The following ENTREP2 variants were observed in gnomAD, a reference collection of about 807,000 sequenced individuals.
ENTREP2 encodes endosomal transmembrane epsin interactor 2.
the ENTREP2 span, among the ~76,000 whole-genome samples, chr15:29,562,167 A>G: frequency 1.3e-5 from 2 of 152,248 alleles, no homozygotes; most frequent in Non-Finnish European, 2.9e-5. Context: ...ACAGAGAGGA[A>G]GGCTGAGGAG....
the ENTREP2 span, among the ~76,000 whole-genome samples, chr15:29,361,158 C>A: frequency 6.6e-6 from 1 of 152,222 alleles, no homozygotes; most frequent in Non-Finnish European, 1.5e-5. Context: ...GGCTGAATCC[C>A]ATTCTCACTG....
chr15:29,537,597 G>A, the ENTREP2 span, among the ~76,000 whole-genome samples: 5 of 152,140 alleles, frequency 3.3e-5, no homozygotes, highest in African/African-American at 1.2e-4. Context: ...CTGGATCATT[G>A]CATTAGCCTC....
chr15:29,163,500 C>A, the ENTREP2 span, among the ~76,000 whole-genome samples: 1 of 151,876 alleles, frequency 6.6e-6, no homozygotes, highest in Non-Finnish European at 1.5e-5. Context: ...AAAAATTGGA[C>A]ACACTTATAG....
chr15:29,635,016 T>C, the ENTREP2 span, among the ~76,000 whole-genome samples: 1 of 152,120 alleles, frequency 6.6e-6, no homozygotes, highest in Non-Finnish European at 1.5e-5. Context: ...GGCTATTCTT[T>C]GTATTTTTAG....
the ENTREP2 span, among the ~76,000 whole-genome samples, chr15:29,433,909 C>T: frequency 2.0e-5 from 3 of 152,170 alleles, no homozygotes; most frequent in African/African-American, 7.2e-5. Context: ...GGCTCTACAC[C>T]ACCAACCCTG....
At chr15:29,274,326 G>A in the ENTREP2 span, among the ~76,000 whole-genome samples, 2 of 152,306 alleles carry the variant, frequency 1.3e-5, no homozygotes, top group South Asian at 4.1e-4. Context: ...AGATTATTAA[G>A]TTTTGAGGCT....
the ENTREP2 span, among the ~76,000 whole-genome samples, chr15:29,207,302 T>C: frequency 1.3e-5 from 2 of 152,160 alleles, no homozygotes; most frequent in African/African-American, 4.8e-5. Context: ...TCTCACCGAC[T>C]TCAAGAATGA....
At chr15:29,131,317 C>T in the ENTREP2 span, among the ~76,000 whole-genome samples, 3 of 151,906 alleles carry the variant, frequency 2.0e-5, no homozygotes, top group African/African-American at 7.3e-5. Flanking sequence ...TGCTCCTGGA[C>T]TCTGCTGGTC....
chr15:29,176,745 T>C, the ENTREP2 span, among the ~76,000 whole-genome samples: 1 of 152,150 alleles, frequency 6.6e-6, no homozygotes, highest in Non-Finnish European at 1.5e-5. Flanking sequence ...CCTCCTTCCC[T>C]CCAGGTCGCC....
At chr15:29,233,298 A>C in the ENTREP2 span, among the ~76,000 whole-genome samples, 5 of 152,242 alleles carry the variant, frequency 3.3e-5, no homozygotes, top group Non-Finnish European at 5.9e-5. Flanking sequence ...TCATTACTAA[A>C]GCAATCTAGT....
chr15:29,541,701 G>A, the ENTREP2 span, among the ~76,000 whole-genome samples: 1 of 152,174 alleles, frequency 6.6e-6, no homozygotes, highest in Non-Finnish European at 1.5e-5. Flanking sequence ...AAATGGGAGG[G>A]AACAGGCAGA....
chr15:29,543,292 C>T, the ENTREP2 span, among the ~76,000 whole-genome samples: 1 of 152,184 alleles, frequency 6.6e-6, no homozygotes, highest in Non-Finnish European at 1.5e-5. Context: ...CTCCCAGGAC[C>T]ACACAAAACT....
the ENTREP2 span, among the ~76,000 whole-genome samples, chr15:29,659,348 G>GT: frequency 6.6e-6 from 1 of 152,174 alleles, no homozygotes; most frequent in Non-Finnish European, 1.5e-5. Flanking sequence ...GCATGCACCT[G>GT]TAATCCCAGC....
chr15:29,628,481 T>C, the ENTREP2 span, among the ~76,000 whole-genome samples: 3 of 152,238 alleles, frequency 2.0e-5, no homozygotes, highest in Non-Finnish European at 4.4e-5. Flanking sequence ...AAAGAATGTA[T>C]ACTATGCTGT....
At chr15:29,468,795 A>G in the ENTREP2 span, among the ~76,000 whole-genome samples, 1 of 152,202 alleles carries the variant, frequency 6.6e-6, no homozygotes, top group Non-Finnish European at 1.5e-5. Flanking sequence ...TACATTTTTA[A>G]CAATTATATG....
the ENTREP2 span, among the ~76,000 whole-genome samples, chr15:29,409,678 G>C: frequency 6.6e-6 from 1 of 151,204 alleles, no homozygotes; most frequent in African/African-American, 2.4e-5. Flanking sequence ...ACCCAGGCTG[G>C]TCTTGAACAC....
At chr15:29,427,374 T>TA in the ENTREP2 span, among the ~76,000 whole-genome samples, 1 of 152,180 alleles carries the variant, frequency 6.6e-6, no homozygotes, top group Non-Finnish European at 1.5e-5. Flanking sequence ...CCCTATCTGT[T>TA]AGTTTCCTAT....
the ENTREP2 span, among the ~76,000 whole-genome samples, chr15:29,329,104 T>A: frequency 1.3e-5 from 2 of 152,126 alleles, no homozygotes; most frequent in South Asian, 2.1e-4. Context: ...GGCTCACACC[T>A]GTAACCCCAG....
the ENTREP2 span, among the ~76,000 whole-genome samples, chr15:29,548,734 A>G: frequency 3.6e-3 from 545 of 152,304 alleles, 2 homozygotes; most frequent in Middle Eastern, 0.01. Context: ...CAACTGTACC[A>G]TGAAGCACAT....
Sources: allele counts gnomAD v4.1 joint callset (sites outside exome capture counted in the v4.1 genomes callset), GRCh38; gene constraint gnomAD v4.1.1; transcripts MANE v1.5; gene names NCBI Gene and HGNC (gene_info 2026-07-23, HGNC 2026-07-21).